Variants in ME3 observed in about 807,000 individuals in gnomAD.
The protein encoded by ME3 is malic enzyme 3.
In ME3, 48 loss-of-function variants were observed where a neutral mutation model predicts 68.9. That is an observed-to-expected ratio of 0.70 (90% confidence interval 0.55 to 0.89). ME3 has a LOEUF of 0.89. Ranked by LOEUF, ME3 falls within the 40% of genes least tolerant of loss-of-function variation. The pLI, the probability that ME3 is intolerant of heterozygous loss-of-function variation, is 0.00. For missense variants in ME3, 675 were observed against 797.4 expected, an observed-to-expected ratio of 0.85 and a Z score of 1.85; for synonymous variants, 320 against 318.8, an observed-to-expected ratio of 1.00 and a Z score of -0.04.
chr11:86,560,864 G>A (rs1957197588), intron 2 of ME3, among the ~76,000 whole-genome samples: 1 of 150,434 alleles, frequency 6.6e-6, no homozygotes, highest in Admixed American at 6.6e-5. Context: ...GATGTCCCTT[G>A]TTTTTGACAG....
intron 2 of ME3, among the ~76,000 whole-genome samples, chr11:86,659,358 A>T (rs1332203467): frequency 2.6e-5 from 4 of 152,232 alleles, no homozygotes; most frequent in Non-Finnish European, 1.5e-5. Flanking sequence ...GCTACCTTTC[A>T]AAGATGGTAG....
chr11:86,606,531 C>T (rs1283083278), intron 2 of ME3, among the ~76,000 whole-genome samples: 2 of 152,186 alleles, frequency 1.3e-5, no homozygotes, highest in Non-Finnish European at 2.9e-5. Flanking sequence ...TCTCACATTC[C>T]ACCAGGTATC....
In ME3 at chr11:86,595,251, G is replaced by C. The variant is rs139439586; in HGVS notation, c.184-35428C>G. ...TTTTTGGATTGTTTATCACATGTTAGAAATTTTCAGAATACTCTATTTTAC... is the reference window on the plus strand; with the variant it reads ...TTTTTGGATTGTTTATCACATGTTACAAATTTTCAGAATACTCTATTTTAC... On this transcript the variant is annotated intron_variant, in intron 2 of 14. Transcript: ENST00000543262. Among the ~76,000 whole-genome samples, 211 of 141,344 alleles carry C rather than the reference G, an allele frequency of 1.5e-3. 15 individuals are homozygous for C. The highest frequency in any genetic ancestry group is 3.6e-3 in the African/African-American group (138 of 37,972). The allele number at this position is 141,344 out of a possible 152,430, so 92.7% of individuals were successfully genotyped here. A position where few individuals can be genotyped will look rare whatever the true frequency, so the allele number is the denominator to read the frequency against.
intron 2 of ME3, among the ~76,000 whole-genome samples, chr11:86,578,064 G>A (rs1958216690): frequency 6.6e-6 from 1 of 152,152 alleles, no homozygotes; most frequent in Non-Finnish European, 1.5e-5. Context: ...TGAAATACTT[G>A]GTGACTTTAG....
At position 86,589,048 on chromosome 11, in the gene ME3, C is replaced by G. The variant is rs574218784; in HGVS notation, c.184-29225G>C. ...AAGGCCCTTAATAGAAAAGCTTCCT[C>G]TTTTATTCCTTTAGCAGCAGTGGGG... On this transcript the variant is annotated intron_variant, in intron 2 of 14. Transcript: ENST00000543262. Among the ~76,000 whole-genome samples, 9 of 152,282 alleles carry G rather than the reference C, an allele frequency of 5.9e-5. No individual in the cohort carries two copies. The South Asian group carries it at 1.9e-3, about 32-fold the overall frequency.
At chr11:86,491,191 C>T (rs1319561862) in intron 6 of ME3, among the ~76,000 whole-genome samples, 1 of 152,188 alleles carries the variant, frequency 6.6e-6, no homozygotes, top group African/African-American at 2.4e-5. Flanking sequence ...CTTCTCATCC[C>T]ATTTTAGAGG....
In ME3 at chr11:86,559,636, A is replaced by C. The variant is rs541600940; in HGVS notation, c.317+54T>G. On this transcript the variant is annotated intron_variant, in intron 3 of 14. Coordinates refer to ENST00000543262, the Ensembl canonical transcript of ME3. ...AGAAAACCCTCTGTGAAGCACAGGA[A>C]ACAGACAGCTCAGCCCAAGGACCAG... is the stretch of plus-strand genomic sequence containing the variant. 7.6e-5 allele frequency: 118 copies of C among 1,554,348 alleles called. No individual in the cohort carries two copies. The African/African-American group carries it at 1.6e-3, about 20-fold the overall frequency.
At chr11:86,529,804 A>G (rs1290644890) in intron 4 of ME3, among the ~76,000 whole-genome samples, 1 of 152,118 alleles carries the variant, frequency 6.6e-6, no homozygotes. Context: ...AAATTAAATA[A>G]CCCTTCATGC....
At chr11:86,447,625 G>A (rs1201309467) in intron 11 of ME3, among the ~76,000 whole-genome samples, 2 of 152,040 alleles carry the variant, frequency 1.3e-5, no homozygotes, top group Admixed American at 1.3e-4. Flanking sequence ...GGGCAGTGGG[G>A]TGGGTACAGA....
chr11:86,575,445 T>G lies in ME3; in HGVS notation c.184-15622A>C, dbSNP rs1377066948. ...ATCTACTTTACAGAGATGTAGGTGA[T>G]TCAGCAAAGATAATGTGCAAGGAAA... On this transcript the variant is annotated intron_variant, in intron 2 of 14. Coordinates refer to ENST00000543262, the Ensembl canonical transcript of ME3. 2.0e-5 allele frequency among the ~76,000 whole-genome samples: 3 copies of G among 147,554 alleles called. 1 individual carries two copies. The highest frequency in any genetic ancestry group is 4.5e-5 in the Non-Finnish European group (3 of 67,212).
At chr11:86,440,128 C>T (rs544723108), downstream of ME3, among the ~76,000 whole-genome samples, 1 of 152,194 alleles carries the variant, frequency 6.6e-6, no homozygotes, top group African/African-American at 2.4e-5. Context: ...CTATTCGTTG[C>T]TGGCAGTGGA....
At chr11:86,466,383 A>C (rs1032364332) in intron 7 of ME3, among the ~76,000 whole-genome samples, 3 of 152,352 alleles carry the variant, frequency 2.0e-5, no homozygotes, top group Admixed American at 1.3e-4. Flanking sequence ...CATGTCATTG[A>C]GAAAAAATGT....
At chr11:86,588,618 GCTGTGAA>G (rs1250291060) in intron 2 of ME3, among the ~76,000 whole-genome samples, 1 of 152,150 alleles carries the variant, frequency 6.6e-6, no homozygotes, top group African/African-American at 2.4e-5. Context: ...CAGGACTTAG[GCTGTGAA>G]GGAAAAACAG....
intron 2 of ME3, among the ~76,000 whole-genome samples, chr11:86,612,981 G>T (rs1224893080): frequency 1.3e-5 from 2 of 152,098 alleles, no homozygotes; most frequent in Non-Finnish European, 2.9e-5. Flanking sequence ...TGAAGTCTTT[G>T]CCCATGCTTA....
At chr11:86,614,462 C>A (rs1303673192) in intron 2 of ME3, among the ~76,000 whole-genome samples, 1 of 152,168 alleles carries the variant, frequency 6.6e-6, no homozygotes, top group Admixed American at 6.5e-5. Flanking sequence ...TCCAGAACCC[C>A]TCTTTGCTCC....
intron 6 of ME3, chr11:86,489,180 C>T (rs979894928): frequency 1.3e-5 from 2 of 152,174 alleles, no homozygotes; most frequent in African/African-American, 4.8e-5. Context: ...TGAACTGCTG[C>T]TGCAGGACAC....
chr11:86,572,315 G>A (rs1412735776), intron 2 of ME3, among the ~76,000 whole-genome samples: 1 of 152,008 alleles, frequency 6.6e-6, no homozygotes, highest in Non-Finnish European at 1.5e-5. Flanking sequence ...TGTGCAGAGT[G>A]TGCAGGTTAG....
At chr11:86,454,154 GT>G (rs1481340990) in intron 8 of ME3, among the ~76,000 whole-genome samples, 2 of 152,046 alleles carry the variant, frequency 1.3e-5, no homozygotes, top group Non-Finnish European at 2.9e-5. Context: ...TTAAAAAATT[GT>G]TGTCATCTAT....
intron 2 of ME3, among the ~76,000 whole-genome samples, chr11:86,655,469 A>G (rs1029680575): frequency 1.3e-5 from 2 of 152,170 alleles, no homozygotes; most frequent in African/African-American, 4.8e-5. Flanking sequence ...CTGATCTTTG[A>G]CAAACCTGAG....
Sources: allele counts gnomAD v4.1 joint callset (sites outside exome capture counted in the v4.1 genomes callset), GRCh38; gene constraint gnomAD v4.1.1; transcripts MANE v1.5; gene names NCBI Gene and HGNC (gene_info 2026-07-23, HGNC 2026-07-21).